The following PTPN4 variants were observed in gnomAD, a reference collection of about 807,000 sequenced individuals.
PTPN4 encodes protein tyrosine phosphatase non-receptor type 4.
A neutral mutation model predicts 135.5 loss-of-function variants in PTPN4; 49 were observed. That is an observed-to-expected ratio of 0.36 (90% confidence interval 0.29 to 0.46). The LOEUF is 0.46. Among genes scored for constraint, PTPN4 ranks in the 20% least tolerant of loss-of-function variants. PTPN4 has a pLI of 1.00. For missense variants in PTPN4, 860 were observed against 1,101.0 expected (o/e 0.78, Z 3.10); for synonymous variants, 333 against 369.9 (o/e 0.90, Z 1.14).
intron 23 of PTPN4, among the ~76,000 whole-genome samples, chr2:119,962,409 G>A (rs1278000753): frequency 1.7e-4 from 25 of 151,482 alleles, no homozygotes; most frequent in Admixed American, 4.6e-4. Context: ...AGCCAAGATC[G>A]TGCTATTGCA....
intron 1 of PTPN4, among the ~76,000 whole-genome samples, chr2:119,804,325 A>G (rs535391871): frequency 6.6e-6 from 1 of 152,064 alleles, no homozygotes. Context: ...ACATGTGCAC[A>G]ACGTGCAAGT....
chr2:119,883,619 C>T (rs538237457), intron 8 of PTPN4, among the ~76,000 whole-genome samples: 1 of 152,158 alleles, frequency 6.6e-6, no homozygotes, highest in Non-Finnish European at 1.5e-5. Context: ...AGAGTCTGAA[C>T]TAAAGAGCCA....
chr2:119,760,749 T>TA (rs1290338526), intron 1 of PTPN4, among the ~76,000 whole-genome samples: 1 of 142,494 alleles, frequency 7.0e-6, no homozygotes, highest in African/African-American at 2.6e-5. Flanking sequence ...TTTTTTTTTT[T>TA]TTTTTTGGCT....
intron 2 of PTPN4, among the ~76,000 whole-genome samples, chr2:119,860,458 C>T (rs1677745251): frequency 6.6e-6 from 1 of 152,186 alleles, no homozygotes; most frequent in Non-Finnish European, 1.5e-5. Flanking sequence ...ATATAGCCAA[C>T]ACTTGGAATG....
intron 24 of PTPN4, 67 bp downstream of exon 24, chr2:119,962,811 G>A (rs1432275380): frequency 6.3e-6 from 8 of 1,266,824 alleles, no homozygotes; most frequent in Non-Finnish European, 8.4e-6. Flanking sequence ...AGCTGAAAAT[G>A]TTTTTAGTTT....
intron 1 of PTPN4, among the ~76,000 whole-genome samples, chr2:119,808,787 T>C (rs1361126194): frequency 6.6e-6 from 1 of 152,184 alleles, no homozygotes; most frequent in Non-Finnish European, 1.5e-5. Context: ...AAGACTTTTT[T>C]CCCCTACATT....
Position 119,946,360 on chromosome 2 carries a change from A to T in PTPN4, c.1535A>T (p.His512Leu). The stretch of plus-strand genomic sequence containing the variant: ...TTTAAGCCTAATGGTGGTATTCCAC[A>T]TGATAATCTTGTCCTAATCAGAATG... ...EKPTPNGGIP[H>L]DNLVLIRMKP... The change falls in exon 17 of 27, where the codon CAT becomes CTT. Residue 512 changes from histidine to leucine, a missense_variant. Physicochemically the swap from His to Leu is moderately conservative, Grantham distance 99 (BLOSUM62 -3). This residue lies in a region of PTPN4 where 684 missense variants were observed against 807.0 expected (regional missense o/e 0.85). Transcript: ENST00000263708. The T allele has an allele frequency of 4.4e-6, 7 of 1,607,472 alleles. No homozygotes were observed. Among genetic ancestry groups the T allele is most frequent in the Non-Finnish European group, 5.1e-6 (6 of 1,177,186 alleles).
At chr2:119,969,769 A>G (rs1679502010) in intron 26 of PTPN4, among the ~76,000 whole-genome samples, 1 of 152,052 alleles carries the variant, frequency 6.6e-6, no homozygotes, top group African/African-American at 2.4e-5. Context: ...CATGTTAGCC[A>G]GGATGGTCTA....
chr2:119,857,312 C>G (rs927879175), intron 2 of PTPN4, among the ~76,000 whole-genome samples: 15 of 152,256 alleles, frequency 9.9e-5, no homozygotes, highest in African/African-American at 3.6e-4. Context: ...GGGCGGATTG[C>G]CTGAGGTCAG....
chr2:119,943,224 C>G (rs938783290), intron 15 of PTPN4, among the ~76,000 whole-genome samples: 1 of 152,202 alleles, frequency 6.6e-6, no homozygotes, highest in African/African-American at 2.4e-5. Flanking sequence ...TGGCACTGAT[C>G]ATACTTTCTT....
intron 15 of PTPN4, among the ~76,000 whole-genome samples, chr2:119,938,273 G>A (rs572142645): frequency 4.6e-5 from 7 of 151,682 alleles, no homozygotes; most frequent in East Asian, 1.9e-4. Context: ...GACTACAGGC[G>A]CCCGTCACCA....
At chr2:119,850,101 T>C (rs1677569325) in intron 2 of PTPN4, among the ~76,000 whole-genome samples, 1 of 152,258 alleles carries the variant, frequency 6.6e-6, no homozygotes, top group Non-Finnish European at 1.5e-5. Flanking sequence ...TCAAGAGCAC[T>C]CTTAGACTGG....
chr2:119,967,829 T>G lies in PTPN4; in HGVS notation c.2559-8T>G, dbSNP rs1358959742. On this transcript the variant is annotated splice_polypyrimidine_tract_variant and splice_region_variant and intron_variant, in intron 25 of 26. Coordinates refer to ENST00000263708, the MANE Select transcript of PTPN4 (RefSeq NM_002830.4). ...CGGTAAGATCTTGCCTATATTTGTC[T>G]TTTTTAGTGCTGGAATCGGAAGAAC... The G allele has an allele frequency of 6.3e-7, 1 of 1,587,770 alleles. No homozygotes were observed. The highest frequency in any genetic ancestry group is 1.7e-5 in the Admixed American group (1 of 58,158).
intron 26 of PTPN4, among the ~76,000 whole-genome samples, chr2:119,975,981 A>ATT (rs201604174): frequency 1.4e-5 from 2 of 138,512 alleles, no homozygotes; most frequent in Non-Finnish European, 3.0e-5. Flanking sequence ...ATTTTATTTT[A>ATT]TTTTTATTTA....
intron 1 of PTPN4, among the ~76,000 whole-genome samples, chr2:119,805,130 G>A (rs1425680120): frequency 6.6e-6 from 1 of 152,100 alleles, no homozygotes; most frequent in Non-Finnish European, 1.5e-5. Flanking sequence ...TTTTGATGGG[G>A]TTGTTTGTTT....
intron 1 of PTPN4, among the ~76,000 whole-genome samples, chr2:119,788,048 A>C (rs1691077079): frequency 6.6e-6 from 1 of 152,184 alleles, no homozygotes; most frequent in African/African-American, 2.4e-5. Flanking sequence ...TGGAATAAAT[A>C]TGACATATTA....
intron 10 of PTPN4, among the ~76,000 whole-genome samples, chr2:119,908,607 T>C (rs1012436237): frequency 8.5e-5 from 13 of 152,126 alleles, no homozygotes; most frequent in African/African-American, 3.1e-4. Flanking sequence ...GAACTCCCTG[T>C]TCACTGAGAC....
chr2:119,884,665 A>C (rs1248315479), intron 8 of PTPN4, among the ~76,000 whole-genome samples: 1 of 152,122 alleles, frequency 6.6e-6, no homozygotes, highest in Non-Finnish European at 1.5e-5. Context: ...ACTCTTAAGG[A>C]AAAGCTTATT....
chr2:119,955,076 A>G, intron 19 of PTPN4, 81 bp from the exon 20 acceptor site: 1 of 1,244,692 alleles, frequency 8.0e-7, no homozygotes, highest in Admixed American at 2.2e-5. Flanking sequence ...AAAACATTAT[A>G]CAGTGTATCT....
Sources: gnomAD v4.1 joint callset for allele counts (sites outside exome capture counted in the v4.1 genomes callset) on GRCh38, gnomAD v4.1.1 for gene constraint, gnomAD v4.1.1 regional missense constraint, MANE v1.5 for transcripts, NCBI Gene and HGNC (gene_info 2026-07-23, HGNC 2026-07-21) for gene names.